Variants in ZNF492 observed in about 807,000 individuals in gnomAD.
ZNF492 encodes zinc finger protein 492.
ZNF492 carries 3 observed loss-of-function variants against 6.4 expected under a neutral mutation model. That is an observed-to-expected ratio of 0.47 (90% CI 0.21 to 1.22). ZNF492 has a LOEUF of 1.22. ZNF492 is among the 50% of genes most tolerant of loss of function. ZNF492 has a pLI of 0.22. For missense variants in ZNF492, 356 were observed against 612.5 expected (o/e 0.58, Z 4.42); for synonymous variants, 112 against 205.3 (o/e 0.55, Z 3.89).
intron 1 of ZNF492, among the ~76,000 whole-genome samples, chr19:22,638,105 G>C (rs1971786708): frequency 6.6e-6 from 1 of 151,838 alleles, no homozygotes; most frequent in Non-Finnish European, 1.5e-5. Context: ...TAAATTATGG[G>C]TATTGGACCT....
At chr19:22,639,147 ATCT>A (rs1474197186) in intron 1 of ZNF492, among the ~76,000 whole-genome samples, 1 of 151,704 alleles carries the variant, frequency 6.6e-6, no homozygotes, top group Middle Eastern at 3.2e-3. Flanking sequence ...GCCAATATTG[ATCT>A]TCTTTATCCA....
chr19:22,652,889 G>T (rs1260443783), intron 1 of ZNF492, among the ~76,000 whole-genome samples: 1 of 151,952 alleles, frequency 6.6e-6, no homozygotes, highest in Non-Finnish European at 1.5e-5. Flanking sequence ...CAGATTTTCT[G>T]AAAAAATAAT....
intron 1 of ZNF492, among the ~76,000 whole-genome samples, chr19:22,648,566 T>G (rs543221529): frequency 1.3e-5 from 2 of 152,294 alleles, no homozygotes; most frequent in African/African-American, 4.8e-5. Context: ...TCCCACTGAT[T>G]GTGTGGGCGT....
At chr19:22,649,615 TTTGTTCATTC>T (rs148822819) in intron 1 of ZNF492, among the ~76,000 whole-genome samples, 3,705 of 152,114 alleles carry the variant, frequency 0.024, 89 homozygotes, top group Non-Finnish European at 0.031. Flanking sequence ...TCTCGGAGGC[TTTGTTCATTC>T]TTGTTCATTC....
chr19:22,637,640 G>T (rs1168768253), intron 1 of ZNF492, among the ~76,000 whole-genome samples: 1 of 152,052 alleles, frequency 6.6e-6, no homozygotes, highest in Non-Finnish European at 1.5e-5. Flanking sequence ...AAGCATTTAG[G>T]TTGATTCCAT....
chr19:22,638,588 C>G (rs1346403578), intron 1 of ZNF492, among the ~76,000 whole-genome samples: 1 of 152,052 alleles, frequency 6.6e-6, no homozygotes, highest in Admixed American at 6.6e-5. Flanking sequence ...GTTTTTGTAC[C>G]AGTACCATGT....
At chr19:22,662,997 G>A (rs1261288160) in intron 3 of ZNF492, among the ~76,000 whole-genome samples, 2 of 152,146 alleles carry the variant, frequency 1.3e-5, no homozygotes, top group Non-Finnish European at 2.9e-5. Context: ...TTTTAGTCAT[G>A]AAGTCCTTGC....
At position 22,660,928 on chromosome 19, in the gene ZNF492, T is replaced by TC. The variant is rs752853908; in HGVS notation, c.131-2868dup. ...AACTTGATAGCTTTTTTTTTTTTTT[T>TC]CCCCTCAGGACTTTGTGTCACACGG... On this transcript the variant is annotated intron_variant, in intron 3 of 3. Transcript: ENST00000456783. Among the ~76,000 whole-genome samples the TC allele has an allele frequency of 1.8e-3, 263 of 149,876 alleles. 3 individuals carry two copies. Among genetic ancestry groups the TC allele is most frequent in the African/African-American group, 5.6e-3 (230 of 41,022 alleles).
chr19:22,659,886 G>A lies in ZNF492; in HGVS notation c.131-3914G>A, dbSNP rs144736131. Among the ~76,000 whole-genome samples the A allele has an allele frequency of 4.3e-4, 66 of 152,016 alleles. No homozygotes were observed. The East Asian group carries it at 0.011, about 25-fold the overall frequency. On this transcript the variant is annotated intron_variant, in intron 3 of 3. Coordinates refer to ENST00000456783, the MANE Select transcript of ZNF492 (RefSeq NM_020855.3). ...TCACCATGTTGGCCAGGCCAGTCTC[G>A]AACTCTTGACCTCAAGTGATCCACC...
intron 1 of ZNF492, among the ~76,000 whole-genome samples, 170 bp from the exon 2 acceptor site, chr19:22,653,137 G>C (rs4346315): frequency 1.3e-5 from 2 of 151,616 alleles, no homozygotes; most frequent in Non-Finnish European, 1.5e-5. Context: ...CTCAGAGTTA[G>C]AGAATGCATT....
intron 1 of ZNF492, among the ~76,000 whole-genome samples, chr19:22,639,284 T>C (rs1971800184): frequency 2.0e-5 from 3 of 152,208 alleles, no homozygotes; most frequent in Admixed American, 2.0e-4. Flanking sequence ...TTATTCTCTT[T>C]GTAGTGATTG....
chr19:22,651,234 C>T (rs753654802), intron 1 of ZNF492, among the ~76,000 whole-genome samples: 3 of 151,976 alleles, frequency 2.0e-5, no homozygotes, highest in African/African-American at 4.8e-5. Context: ...ATGCCAGCTG[C>T]CTAGTCAGTT....
chr19:22,651,012 G>A (rs1971934310), intron 1 of ZNF492, among the ~76,000 whole-genome samples: 1 of 152,188 alleles, frequency 6.6e-6, no homozygotes, highest in African/African-American at 2.4e-5. Flanking sequence ...CACAGCTCTG[G>A]GGTTGGGATC....
At chr19:22,645,102 A>G (rs1189462121) in intron 1 of ZNF492, among the ~76,000 whole-genome samples, 1 of 151,674 alleles carries the variant, frequency 6.6e-6, no homozygotes, top group Non-Finnish European at 1.5e-5. Flanking sequence ...GCTGGAGTAC[A>G]GTGGCACGAT....
At chr19:22,647,464 G>T (rs1023859025) in intron 1 of ZNF492, among the ~76,000 whole-genome samples, 1 of 150,674 alleles carries the variant, frequency 6.6e-6, no homozygotes, top group Admixed American at 6.6e-5. Context: ...GTTTCACCAT[G>T]TTGGCCAGGC....
chr19:22,652,588 T>C (rs945553664), intron 1 of ZNF492, among the ~76,000 whole-genome samples: 21 of 151,408 alleles, frequency 1.4e-4, no homozygotes, highest in African/African-American at 3.1e-4. Flanking sequence ...CTTTTCTTTT[T>C]TTTTTTTTTG....
chr19:22,659,664 G>T (rs868426039), intron 3 of ZNF492, among the ~76,000 whole-genome samples: 14,129 of 126,612 alleles, frequency 0.11, 729 homozygotes, highest in East Asian at 0.17. Context: ...GTTTTTTTTT[G>T]TTGTTTTTTT....
chr19:22,649,356 T>C (rs548036986), intron 1 of ZNF492, among the ~76,000 whole-genome samples: 179 of 152,330 alleles, frequency 1.2e-3, no homozygotes, highest in Admixed American at 1.7e-3. Context: ...TGACTACCCT[T>C]AACATTTTTT....
intron 1 of ZNF492, among the ~76,000 whole-genome samples, chr19:22,650,449 A>G (rs961459156): frequency 2.6e-5 from 4 of 151,464 alleles, no homozygotes; most frequent in African/African-American, 9.8e-5. Flanking sequence ...CCCTTGGTGG[A>G]GGGGGTATGC....
Sources: gnomAD v4.1 joint callset for allele counts (sites outside exome capture counted in the v4.1 genomes callset) on GRCh38, gnomAD v4.1.1 for gene constraint, MANE v1.5 for transcripts, NCBI Gene and HGNC (gene_info 2026-07-23, HGNC 2026-07-21) for gene names.